SNX15: variants seen among roughly 807,000 people sequenced by gnomAD.
The protein encoded by SNX15 is sorting nexin 15, also known as sorting nexin-15.
SNX15 carries 29 observed loss-of-function variants against 35.2 expected under a neutral mutation model. The ratio of observed to expected loss-of-function variants is 0.82; its 90% confidence interval spans 0.61 to 1.12. The LOEUF is 1.12. Among genes scored for constraint, SNX15 ranks in the 50% most tolerant of loss-of-function variants. SNX15 has a pLI of 0.00. For missense variants in SNX15, 400 were observed against 451.5 expected (o/e 0.89, Z 1.03); for synonymous variants, 189 against 188.2 (o/e 1.00, Z -0.03).
intron 1 of SNX15, among the ~76,000 whole-genome samples, chr11:65,029,881 TTTTTA>T (rs988547903): frequency 2.0e-5 from 3 of 151,720 alleles, no homozygotes. Context: ...CTGGCCTATA[TTTTTA>T]TTTTATTTTA....
chr11:65,034,768 A>G, intron 3 of SNX15, 79 bp from the exon 4 acceptor site: 1 of 1,052,814 alleles, frequency 9.5e-7, no homozygotes, highest in Non-Finnish European at 1.4e-6. Flanking sequence ...CTCAGGCAGG[A>G]CCAGGAAAAG....
At chr11:65,030,773 G>A (rs1266660863) in intron 1 of SNX15, among the ~76,000 whole-genome samples, 1 of 152,074 alleles carries the variant, frequency 6.6e-6, no homozygotes, top group Non-Finnish European at 1.5e-5. Context: ...AAAGTGCTGG[G>A]ATTACAGGCA....
chr11:65,038,798 C>G lies in SNX15; in HGVS notation c.891C>G (p.Asp297Glu). 1 of 1,594,062 alleles carries G rather than the reference C, an allele frequency of 6.3e-7. No individual in the cohort carries two copies. The highest frequency in any genetic ancestry group is 8.5e-7 in the Non-Finnish European group (1 of 1,170,506). ...CTGCTGCACTCCAGGGCTATCGAGACGGCGTGCACGTCTTGCTTCAGGGAG... is the reference window on the plus strand; with the variant it reads ...CTGCTGCACTCCAGGGCTATCGAGAGGGCGTGCACGTCTTGCTTCAGGGAG... ...AYAAALQGYR[D>E]GVHVLLQGVP... The change falls in exon 7 of 8, where the codon GAC (aspartate) becomes GAG (glutamate). Residue 297 changes from aspartate (D) to glutamate (E), a missense_variant. Transcript: ENST00000377244.
intron 5 of SNX15, 128 bp from the exon 6 acceptor site, chr11:65,035,392 A>G (rs980433143): frequency 5.8e-5 from 75 of 1,294,742 alleles, no homozygotes; most frequent in Admixed American, 1.4e-4. Flanking sequence ...CTGTAAAATG[A>G]GCACAAACCC....
At chr11:65,033,326 C>T (rs962213631) in intron 3 of SNX15, among the ~76,000 whole-genome samples, 1 of 151,982 alleles carries the variant, frequency 6.6e-6, no homozygotes, top group Non-Finnish European at 1.5e-5. Flanking sequence ...AAGCGAATCA[C>T]GAGATCAGGA....
In SNX15 at chr11:65,034,966, T is replaced by C. The variant is rs775737763; in HGVS notation, c.372+4T>C. On this transcript the variant is annotated splice_donor_region_variant and intron_variant, in intron 4 of 7. Coordinates refer to ENST00000377244, the MANE Select transcript of SNX15 (RefSeq NM_013306.5). ...CCAGCTCAAGGAGTTCTTCCGGGTA[T>C]GTGCACCTTCCACCTTCCCAGAACT... 6.2e-7 allele frequency: 1 copy of C among 1,613,768 alleles called. No individual in the cohort carries two copies. Among genetic ancestry groups the C allele is most frequent in the Non-Finnish European group, 8.5e-7 (1 of 1,179,752 alleles).
At chr11:65,030,307 A>T (rs1406279925) in intron 1 of SNX15, among the ~76,000 whole-genome samples, 1 of 149,650 alleles carries the variant, frequency 6.7e-6, no homozygotes, top group African/African-American at 2.5e-5. Flanking sequence ...GTGAGCCGAG[A>T]TCACACCACT....
chr11:65,033,543 C>CAAA lies in SNX15; in HGVS notation c.256+1012_256+1014dup, dbSNP rs35724941. Among the ~76,000 whole-genome samples the CAAA allele has an allele frequency of 2.5e-3, 212 of 86,412 alleles. 1 individual carries two copies. The highest frequency in any genetic ancestry group is 7.6e-3 in the African/African-American group (170 of 22,290). The allele number at this position is 86,412 out of a possible 152,430, so 56.7% of individuals were successfully genotyped here. A position where few individuals can be genotyped will look rare whatever the true frequency, so the allele number is the denominator to read the frequency against. On this transcript the variant is annotated intron_variant, in intron 3 of 7. Transcript: ENST00000377244. ...CAGGCGACAGAGTGAGACTCCGTCTCAAAAAAAAAAAAAAAAAAAAAATTG... is the reference window on the plus strand; with the variant it reads ...CAGGCGACAGAGTGAGACTCCGTCTCAAAAAAAAAAAAAAAAAAAAAAAAATTG...
At chr11:65,032,237 C>T (rs748711766) in intron 2 of SNX15, 34 bp downstream of exon 2, 6 of 1,608,542 alleles carry the variant, frequency 3.7e-6, no homozygotes, top group Non-Finnish European at 5.1e-6. Context: ...GACTGTTCTG[C>T]AGTTCCAGAT....
rs1413150482 is a variant in SNX15 at position 65,027,478 on chromosome 11, G to C, written c.-60G>C. ...GCGGCGGCGGGCGGAGGCTGGGCCG[G>C]AGGGGTGGGGACGGCGAGGAGGTGG... On this transcript the variant is annotated 5_prime_UTR_variant, in exon 1 of 8. Transcript: ENST00000377244. 2.2e-6 allele frequency: 3 copies of C among 1,378,854 alleles called. No individual in the cohort carries two copies. Among genetic ancestry groups the C allele is most frequent in the African/African-American group, 1.4e-5 (1 of 70,202 alleles). 85.4% of individuals were successfully genotyped at this position (1,378,854 alleles called of 1,614,324 possible).
chr11:65,035,363 T>C (rs1461598818), intron 5 of SNX15, among the ~76,000 whole-genome samples, 157 bp downstream of exon 5: 1 of 152,210 alleles, frequency 6.6e-6, no homozygotes, highest in Non-Finnish European at 1.5e-5. Context: ...TTTCCTTCTC[T>C]GTGCTACAGT....
At chr11:65,033,327 G>A (rs976006128) in intron 3 of SNX15, among the ~76,000 whole-genome samples, 55 of 151,792 alleles carry the variant, frequency 3.6e-4, no homozygotes, top group Admixed American at 1.3e-3. Context: ...AGCGAATCAC[G>A]AGATCAGGAG....
intron 3 of SNX15, among the ~76,000 whole-genome samples, chr11:65,033,973 G>A (rs1260882931): frequency 6.6e-6 from 1 of 151,978 alleles, no homozygotes; most frequent in Non-Finnish European, 1.5e-5. Flanking sequence ...CTCCTAAAAC[G>A]CTGGGATTAT....
intron 7 of SNX15, 79 bp downstream of exon 7, chr11:65,038,908 A>C: frequency 2.1e-5 from 26 of 1,230,650 alleles, no homozygotes; most frequent in Non-Finnish European, 2.6e-5. Context: ...AAACAAGCAA[A>C]TCACGGATCA....
In SNX15 at chr11:65,035,282, G is replaced by A. The variant is rs139160628; in HGVS notation, c.520+76G>A. 1.1e-3 allele frequency: 1,489 copies of A among 1,376,788 alleles called. 1 individual carries two copies. The highest frequency in any genetic ancestry group is 1.2e-3 in the Non-Finnish European group (1,259 of 1,022,062). The allele number at this position is 1,376,788 out of a possible 1,614,324, so 85.3% of individuals were successfully genotyped here. On this transcript the variant is annotated intron_variant, in intron 5 of 7. Coordinates refer to ENST00000377244, the MANE Select transcript of SNX15 (RefSeq NM_013306.5). ...AGGGCGGCCACACTCCCTCCTCAGTGATCTTACTGAGAAATGTGTGTGTGT... is the reference window on the plus strand; with the variant it reads ...AGGGCGGCCACACTCCCTCCTCAGTAATCTTACTGAGAAATGTGTGTGTGT...
In SNX15 at chr11:65,029,221, C is replaced by T. The variant is rs538221936; in HGVS notation, c.99+1585C>T. 4.0e-5 allele frequency among the ~76,000 whole-genome samples: 6 copies of T among 151,678 alleles called. No homozygotes were observed. In the South Asian group the frequency reaches 1.0e-3, roughly 26 times the overall value. On this transcript the variant is annotated intron_variant, in intron 1 of 7. Coordinates refer to ENST00000377244, the MANE Select transcript of SNX15 (RefSeq NM_013306.5). ...TCGCCCAGACTGGAGTGAAGTGACT[C>T]GATCTCAGCTCACTGCAAACTTCCG...
intron 5 of SNX15, 42 bp from the exon 6 acceptor site, chr11:65,035,478 A>C: frequency 6.5e-7 from 1 of 1,539,658 alleles, no homozygotes; most frequent in African/African-American, 1.4e-5. Context: ...AAAGCTGAGA[A>C]ATAAACGCAG....
At chr11:65,038,480 T>C in intron 6 of SNX15, 92 bp from the exon 7 acceptor site, 22 of 1,458,394 alleles carry the variant, frequency 1.5e-5, no homozygotes, top group Non-Finnish European at 2.0e-5. Flanking sequence ...GACAGGCTGA[T>C]ACCCTGATGG....
At position 65,032,212 on chromosome 11, in the gene SNX15, C is replaced by G. The variant is rs61893600; in HGVS notation, c.135+9C>G. ...CAGAGGATGTCAAAGAGGTGAGGCT[C>G]CTGGGAGGAAGAGGGACTGTTCTGC... On this transcript the variant is annotated intron_variant, in intron 2 of 7. Coordinates refer to ENST00000377244, the MANE Select transcript of SNX15 (RefSeq NM_013306.5). The G allele has an allele frequency of 6.2e-7, 1 of 1,613,718 alleles. No individual in the cohort carries two copies. Among genetic ancestry groups the G allele is most frequent in the South Asian group, 1.1e-5 (1 of 91,060 alleles).
Sources: allele counts gnomAD v4.1 joint callset (sites outside exome capture counted in the v4.1 genomes callset), GRCh38; gene constraint gnomAD v4.1.1; transcripts MANE v1.5; gene names NCBI Gene and HGNC (gene_info 2026-07-23, HGNC 2026-07-21).